The following UBXN4 variants were observed in gnomAD, a reference collection of about 807,000 sequenced individuals.
The protein encoded by UBXN4 is UBX domain-containing protein 4.
Under a neutral mutation model 66.2 loss-of-function variants are expected in UBXN4, and 35 were observed. The ratio of observed to expected loss-of-function variants is 0.53; its 90% CI spans 0.40 to 0.70. UBXN4 has a LOEUF of 0.70. UBXN4 is among the 30% of genes least tolerant of loss of function. The probability of loss-of-function intolerance (pLI) is 0.00; values close to 1 mark genes in which losing one functional copy is unlikely to be tolerated. For missense variants in UBXN4, 533 were observed against 599.8 expected, an observed-to-expected ratio of 0.89 and a Z score of 1.16; for synonymous variants, 203 against 204.5, an observed-to-expected ratio of 0.99 and a Z score of 0.06.
At chr2:135,750,704 T>A (rs987436281) in intron 2 of UBXN4, among the ~76,000 whole-genome samples, 8 of 151,484 alleles carry the variant, frequency 5.3e-5, no homozygotes, top group Non-Finnish European at 1.5e-5. Flanking sequence ...TTTTTTTTTT[T>A]ATTGTTCATC....
rs1430995558 is a variant in UBXN4 at position 135,784,569 on chromosome 2, A to T, written c.*1682A>T. 6.6e-6 allele frequency: 1 copy of T among 152,590 alleles called. No individual in the cohort carries two copies. Among genetic ancestry groups the T allele is most frequent in the Non-Finnish European group, 1.5e-5 (1 of 68,028 alleles). 9.5% of individuals were successfully genotyped at this position (152,590 alleles called of 1,614,324 possible). A position where few individuals can be genotyped will look rare whatever the true frequency, so the allele number is the denominator to read the frequency against. Reference sequence around the variant, plus strand: ...TATGTTTTCCAAACTTTCAGCAGTGATATTATTTCCATAACTTAAAAAGTG... The same window carrying T: ...TATGTTTTCCAAACTTTCAGCAGTGTTATTATTTCCATAACTTAAAAAGTG... On this transcript the variant is annotated 3_prime_UTR_variant, in exon 13 of 13. Coordinates refer to ENST00000272638, the MANE Select transcript of UBXN4 (RefSeq NM_014607.4).
intron 5 of UBXN4, 142 bp downstream of exon 5, chr2:135,755,833 C>T (rs939002946): frequency 3.0e-5 from 14 of 471,206 alleles, no homozygotes; most frequent in Non-Finnish European, 4.2e-5. Context: ...ATATTAAATA[C>T]ACATGTGTCA....
At chr2:135,780,955 T>G (rs760770994) in intron 12 of UBXN4, among the ~76,000 whole-genome samples, 20 of 152,280 alleles carry the variant, frequency 1.3e-4, no homozygotes, top group Non-Finnish European at 1.8e-4. Context: ...CCTGATGCAG[T>G]GGCTCACGCC....
intron 6 of UBXN4, among the ~76,000 whole-genome samples, chr2:135,765,551 A>G (rs998432745): frequency 6.6e-6 from 1 of 152,318 alleles, no homozygotes; most frequent in South Asian, 2.1e-4. Context: ...TCTGGCAAAG[A>G]TAATATATAC....
chr2:135,754,604 T>C (rs2077268354), intron 4 of UBXN4, among the ~76,000 whole-genome samples: 1 of 151,952 alleles, frequency 6.6e-6, no homozygotes, highest in Non-Finnish European at 1.5e-5. Context: ...ATTACAGGTG[T>C]GAGCCACCGC....
In UBXN4 at chr2:135,753,557, T is replaced by C; in HGVS notation, c.204T>C (p.Phe68=). ...IDTKSEACLQ[F]SQIYPVVCVP... ...TTTACAGTGAAGCCTGCCTACAGTT[T>C]TCACAAATCTGTATCCTTTCAGTAA... Residue 68 remains phenylalanine, a synonymous_variant, in exon 3 of 13, where the codon TTT becomes TTC. Coordinates refer to ENST00000272638, the MANE Select transcript of UBXN4 (RefSeq NM_014607.4). 1 of 1,531,178 alleles carries C rather than the reference T, an allele frequency of 6.5e-7. No homozygotes were observed. Among genetic ancestry groups the C allele is most frequent in the East Asian group, 2.5e-5 (1 of 40,090 alleles). 94.8% of individuals were successfully genotyped at this position (1,531,178 alleles called of 1,614,324 possible). A position where few individuals can be genotyped will look rare whatever the true frequency, so the allele number is the denominator to read the frequency against.
At chr2:135,747,820 C>T (rs895504629) in intron 1 of UBXN4, 6 of 372,708 alleles carry the variant, frequency 1.6e-5, no homozygotes, top group African/African-American at 6.3e-5. Flanking sequence ...GGGGTTTTAC[C>T]GTGTTGGCCA....
Position 135,776,346 on chromosome 2 carries a change from G to A in UBXN4, c.1048G>A (p.Ala350Thr). Reference sequence around the variant, plus strand: ...TCTAGAAGAGGCAAGGCAGTTTGCTGCACAGGTAAATTTATGTCTTGAGTT... The same window carrying A: ...TCTAGAAGAGGCAAGGCAGTTTGCTACACAGGTAAATTTATGTCTTGAGTT... ...APLEEARQFA[A>T]QTVGNTYGNF... Residue 350 changes from alanine to threonine, a missense_variant, in exon 10 of 13, where the codon GCA (alanine) becomes ACA (threonine). This residue lies in a region of UBXN4 where 529 missense variants were observed against 580.1 expected (regional missense o/e 0.91). Transcript: ENST00000272638. 5 of 1,611,780 alleles carry A rather than the reference G, an allele frequency of 3.1e-6. No individual in the cohort carries two copies. Among genetic ancestry groups the A allele is most frequent in the Admixed American group, 1.7e-5 (1 of 59,496 alleles).
intron 5 of UBXN4, among the ~76,000 whole-genome samples, chr2:135,756,731 TTC>T (rs1410108102): frequency 6.6e-6 from 1 of 152,242 alleles, no homozygotes; most frequent in Non-Finnish European, 1.5e-5. Flanking sequence ...TGGTATAATA[TTC>T]TTTCAGCCTG....
At chr2:135,756,642 A>G (rs1015484128) in intron 5 of UBXN4, among the ~76,000 whole-genome samples, 3 of 152,194 alleles carry the variant, frequency 2.0e-5, no homozygotes, top group African/African-American at 7.2e-5. Context: ...CAGAATAATT[A>G]CTTTAATTGT....
intron 2 of UBXN4, among the ~76,000 whole-genome samples, chr2:135,752,418 G>T (rs2077248634): frequency 6.6e-6 from 1 of 151,950 alleles, no homozygotes; most frequent in Non-Finnish European, 1.5e-5. Context: ...CTGACCTCGT[G>T]TCCACCTGCC....
chr2:135,748,204 G>T, intron 1 of UBXN4, 63 bp from the exon 2 acceptor site: 1 of 1,281,884 alleles, frequency 7.8e-7, no homozygotes, highest in Non-Finnish European at 1.1e-6. Context: ...CGTTTTCCAG[G>T]GGAAAAGAGT....
In UBXN4 at chr2:135,741,870, A is replaced by T. The variant is rs1452623307; in HGVS notation, c.-60A>T. 2.6e-6 allele frequency: 4 copies of T among 1,544,248 alleles called. No individual in the cohort carries two copies. Among genetic ancestry groups the T allele is most frequent in the Non-Finnish European group, 3.5e-6 (4 of 1,139,398 alleles). The stretch of plus-strand genomic sequence containing the variant: ...AGAGCCGGACGAAGACGGAGGGCGG[A>T]GCCGGCTTCGGGACTGCGGAGACTA... On this transcript the variant is annotated 5_prime_UTR_variant, in exon 1 of 13. Transcript: ENST00000272638.
intron 7 of UBXN4, 95 bp from the exon 8 acceptor site, chr2:135,770,475 GT>G (rs1389593486): frequency 7.2e-6 from 6 of 828,500 alleles, no homozygotes; most frequent in African/African-American, 3.5e-5. Context: ...ATTTTATGAA[GT>G]TTTATTCTTT....
chr2:135,762,768 T>TC (rs1553648254), intron 6 of UBXN4, among the ~76,000 whole-genome samples: 61 of 152,328 alleles, frequency 4.0e-4, no homozygotes, highest in Non-Finnish European at 7.6e-4. Context: ...GGTATAAGCC[T>TC]AGAAGAATAG....
chr2:135,773,583 A>G (rs1421266463), intron 9 of UBXN4, among the ~76,000 whole-genome samples: 1 of 152,210 alleles, frequency 6.6e-6, no homozygotes, highest in Non-Finnish European at 1.5e-5. Context: ...AATGTTATTG[A>G]TAATTATACC....
rs1332520457 is a variant in UBXN4, at chr2:135,770,713, G to A, written c.800G>A (p.Arg267His). 12 of 1,537,626 alleles carry A rather than the reference G, an allele frequency of 7.8e-6. No homozygotes were observed. The highest frequency in any genetic ancestry group is 1.3e-5 in the South Asian group (1 of 77,212). The change falls in exon 8 of 13, where the codon CGT becomes CAT. Residue 267 changes from arginine to histidine, a missense_variant. Transcript: ENST00000272638. Reference protein sequence around the residue: ...EKAEDRAARERIKQQIALDRA... With the variant: ...EKAEDRAAREHIKQQIALDRA... The stretch of plus-strand genomic sequence containing the variant: ...GCAGAAGATAGGGCAGCTCGAGAAC[G>A]TATAAAACAGCAGATTGCATTGGTA...
At chr2:135,757,075 T>TA (rs1229248410) in intron 5 of UBXN4, among the ~76,000 whole-genome samples, 9 of 152,348 alleles carry the variant, frequency 5.9e-5, no homozygotes, top group South Asian at 2.1e-4. Flanking sequence ...CCTAGTTTCT[T>TA]ACATCTGTAA....
intron 8 of UBXN4, among the ~76,000 whole-genome samples, chr2:135,771,023 C>G (rs1459171901): frequency 6.6e-6 from 1 of 151,900 alleles, no homozygotes; most frequent in African/African-American, 2.4e-5. Flanking sequence ...CTAGTACCTA[C>G]TACTAGTACT....
Sources: gnomAD v4.1 joint callset for allele counts (sites outside exome capture counted in the v4.1 genomes callset) on GRCh38, gnomAD v4.1.1 for gene constraint, gnomAD v4.1.1 regional missense constraint, MANE v1.5 for transcripts, NCBI Gene and HGNC (gene_info 2026-07-23, HGNC 2026-07-21) for gene names.